PKD2L2: variants seen among roughly 807,000 people sequenced by gnomAD.
PKD2L2 encodes polycystin-2-like protein 2.
In PKD2L2, 67 loss-of-function variants were observed where a neutral mutation model predicts 83.9. That is an observed-to-expected ratio of 0.80 (90% CI 0.66 to 0.98). The LOEUF (loss-of-function observed/expected upper bound fraction) is 0.98, where lower values mean the gene tolerates loss of function less well. PKD2L2 is among the 50% of genes least tolerant of loss of function. The pLI is 0.00. For synonymous variants in PKD2L2, 223 were observed against 237.8 expected (o/e 0.94, Z 0.57); for missense variants, 632 against 717.2 (o/e 0.88, Z 1.36).
chr5:137,921,822 G>C, intron 9 of PKD2L2, 66 bp downstream of exon 9: 1 of 1,179,066 alleles, frequency 8.5e-7, no homozygotes. Flanking sequence ...TACTCATTTA[G>C]AATAAACTAT....
intron 14 of PKD2L2, chr5:137,938,185 T>C (rs1397057066): frequency 3.9e-5 from 6 of 152,588 alleles, no homozygotes; most frequent in South Asian, 2.1e-4. Context: ...CATGCCACTT[T>C]TACATATTCT....
chr5:137,940,220 G>T, intron 14 of PKD2L2: 2 of 1,613,796 alleles, frequency 1.2e-6, no homozygotes, highest in Non-Finnish European at 8.5e-7. Context: ...TTCAAGGAAC[G>T]TATCTTATAT....
chr5:137,918,018 G>A (rs1758539313), intron 8 of PKD2L2, among the ~76,000 whole-genome samples: 2 of 152,238 alleles, frequency 1.3e-5, no homozygotes, highest in East Asian at 1.9e-4. Context: ...AGCAGTTTGA[G>A]ACCAGTCTGG....
In PKD2L2 at chr5:137,942,658, T is replaced by A; in HGVS notation, c.*292T>A. On this transcript the variant is annotated 3_prime_UTR_variant, in exon 15 of 15. Coordinates refer to ENST00000508883, the MANE Select transcript of PKD2L2 (RefSeq NM_001300921.2). Reference sequence around the variant, plus strand: ...GATTATAGGCATGAGCCACTGTGCCTGGCTAGATTTTTTTTTAATTTTTGA... The same window carrying A: ...GATTATAGGCATGAGCCACTGTGCCAGGCTAGATTTTTTTTTAATTTTTGA... 3.9e-6 allele frequency: 2 copies of A among 507,052 alleles called. No individual in the cohort carries two copies. The highest frequency in any genetic ancestry group is 2.8e-5 in the South Asian group (1 of 35,710). The allele number at this position is 507,052 out of a possible 1,614,324, so 31.4% of individuals were successfully genotyped here.
intron 12 of PKD2L2, among the ~76,000 whole-genome samples, chr5:137,927,859 T>C (rs1346826795): frequency 6.6e-6 from 1 of 152,186 alleles, no homozygotes; most frequent in Admixed American, 6.5e-5. Context: ...CTGGCCTAAA[T>C]TTGATATTCT....
intron 14 of PKD2L2, chr5:137,940,055 G>A (rs765631397): frequency 6.2e-7 from 1 of 1,613,828 alleles, no homozygotes; most frequent in Non-Finnish European, 8.5e-7. Flanking sequence ...CCCTTGAGAG[G>A]GCCTACTTAC....
chr5:137,939,978 A>C lies in PKD2L2; in HGVS notation c.*18-2406A>C, dbSNP rs992464788. The C allele has an allele frequency of 1.9e-6, 3 of 1,544,488 alleles. No individual in the cohort carries two copies. The African/African-American group carries it at 4.1e-5, about 21-fold the overall frequency. ...ATGTATCTGTAGTACAAAACAATGA[A>C]GTAAACCATATGTTTGCTAAAGGTG... On this transcript the variant is annotated intron_variant, in intron 14 of 14. Coordinates refer to ENST00000508883, the MANE Select transcript of PKD2L2 (RefSeq NM_001300921.2).
At chr5:137,912,962 G>T (rs919502065) in intron 8 of PKD2L2, among the ~76,000 whole-genome samples, 3 of 149,968 alleles carry the variant, frequency 2.0e-5, no homozygotes, top group African/African-American at 7.4e-5. Context: ...GCACCACCAC[G>T]GCCGGCTAGT....
intron 4 of PKD2L2, 80 bp downstream of exon 4, chr5:137,894,689 C>A: frequency 9.3e-7 from 1 of 1,078,732 alleles, no homozygotes; most frequent in Non-Finnish European, 1.4e-6. Context: ...CCAAGTAACA[C>A]CAGCTGGGTC....
chr5:137,902,088 C>A (rs1045892555), intron 5 of PKD2L2, among the ~76,000 whole-genome samples: 1 of 151,832 alleles, frequency 6.6e-6, no homozygotes, highest in African/African-American at 2.4e-5. Context: ...GAGGAATTAA[C>A]CTTCCAAATC....
chr5:137,906,898 C>A (rs1171277175), intron 6 of PKD2L2, among the ~76,000 whole-genome samples: 1 of 152,046 alleles, frequency 6.6e-6, no homozygotes. Context: ...CCAGAGGAGA[C>A]CTTATGAGTC....
chr5:137,926,364 TAA>T (rs5871655), intron 12 of PKD2L2, among the ~76,000 whole-genome samples: 14 of 149,636 alleles, frequency 9.4e-5, no homozygotes, highest in East Asian at 1.9e-4. Flanking sequence ...CACTACCACT[TAA>T]AAAAAAAAAA....
At chr5:137,934,243 G>A (rs1433760273) in intron 12 of PKD2L2, among the ~76,000 whole-genome samples, 5 of 152,148 alleles carry the variant, frequency 3.3e-5, no homozygotes, top group Non-Finnish European at 5.9e-5. Flanking sequence ...CTCAGCTTAT[G>A]AGGAAAGGTA....
chr5:137,940,743 T>A (rs965581677), intron 14 of PKD2L2, among the ~76,000 whole-genome samples: 1 of 152,202 alleles, frequency 6.6e-6, no homozygotes, highest in African/African-American at 2.4e-5. Flanking sequence ...AAGTAAACTA[T>A]CTTATCTGCA....
intron 3 of PKD2L2, 74 bp downstream of exon 3, chr5:137,892,687 C>A: frequency 9.1e-7 from 1 of 1,093,332 alleles, no homozygotes; most frequent in Non-Finnish European, 1.3e-6. Flanking sequence ...AGTGGGCACT[C>A]AATGAATATC....
chr5:137,934,895 GAA>G (rs1273861296), intron 12 of PKD2L2, among the ~76,000 whole-genome samples: 1 of 150,696 alleles, frequency 6.6e-6, no homozygotes, highest in African/African-American at 2.4e-5. Flanking sequence ...ACACACAAAA[GAA>G]AAAAAAATGT....
intron 12 of PKD2L2, among the ~76,000 whole-genome samples, chr5:137,933,598 G>A (rs1204871010): frequency 6.6e-6 from 1 of 152,130 alleles, no homozygotes; most frequent in African/African-American, 2.4e-5. Context: ...TACCCATTCC[G>A]TATCATTCCC....
chr5:137,912,555 T>TG (rs1580936911), intron 8 of PKD2L2, among the ~76,000 whole-genome samples: 1 of 151,188 alleles, frequency 6.6e-6, no homozygotes, highest in Admixed American at 6.6e-5. Context: ...TTAGTAGAGA[T>TG]GGGGTTTTAC....
chr5:137,903,658 T>C (rs919810296), intron 5 of PKD2L2, among the ~76,000 whole-genome samples: 2 of 152,180 alleles, frequency 1.3e-5, no homozygotes, highest in African/African-American at 2.4e-5. Flanking sequence ...AACTAACATA[T>C]TGTATGTAAT....
Sources: gnomAD v4.1 joint callset for allele counts (sites outside exome capture counted in the v4.1 genomes callset) on GRCh38, gnomAD v4.1.1 for gene constraint, MANE v1.5 for transcripts, NCBI Gene and HGNC (gene_info 2026-07-23, HGNC 2026-07-21) for gene names.